Variants in CWH43 observed in about 807,000 individuals in gnomAD.
The protein encoded by CWH43 is PGAP2-interacting protein.
Under a neutral mutation model 85.7 loss-of-function variants are expected in CWH43, and 91 were observed. That is an observed-to-expected ratio of 1.06 (90% CI 0.90 to 1.26). CWH43 has a LOEUF of 1.26. CWH43 is among the 50% of genes most tolerant of loss of function. The probability of loss-of-function intolerance (pLI) is 0.00; values close to 1 mark genes in which losing one functional copy is unlikely to be tolerated. For missense variants in CWH43, 869 were observed against 839.2 expected (o/e 1.04, Z -0.44); for synonymous variants, 323 against 293.6 (o/e 1.10, Z -1.02).
At chr4:49,046,406 A>T (rs1425346258) in intron 14 of CWH43, among the ~76,000 whole-genome samples, 1 of 152,162 alleles carries the variant, frequency 6.6e-6, no homozygotes, top group Non-Finnish European at 1.5e-5. Context: ...TGGGAATATA[A>T]TAGGAAAAAA....
In CWH43 at chr4:49,039,548, C is replaced by T. The variant is rs1315738986; in HGVS notation, c.1803+1368C>T. Among the ~76,000 whole-genome samples, 3 of 149,026 alleles carry T rather than the reference C, an allele frequency of 2.0e-5. No individual in the cohort carries two copies. The Admixed American group carries it at 2.0e-4, about 10-fold the overall frequency. On this transcript the variant is annotated intron_variant, in intron 13 of 15. Coordinates refer to ENST00000226432, the MANE Select transcript of CWH43 (RefSeq NM_025087.3). ...TTGGTCCCTTTCATTCCATTTTCAACTTCATGTCTTGAGATAATATCTGCA... is the reference window on the plus strand; with the variant it reads ...TTGGTCCCTTTCATTCCATTTTCAATTTCATGTCTTGAGATAATATCTGCA...
At chr4:49,032,785 C>A in intron 12 of CWH43, 70 bp downstream of exon 12, 1 of 1,539,902 alleles carries the variant, frequency 6.5e-7, no homozygotes, top group Non-Finnish European at 9.0e-7. Flanking sequence ...ACTTTGATTT[C>A]TATGAAATCA....
At chr4:49,016,436 C>T (rs1783548298) in intron 8 of CWH43, among the ~76,000 whole-genome samples, 1 of 152,094 alleles carries the variant, frequency 6.6e-6, no homozygotes, top group South Asian at 2.1e-4. Flanking sequence ...CCTGCCTTCA[C>T]TGGGGCCTAG....
intron 8 of CWH43, among the ~76,000 whole-genome samples, chr4:49,009,139 C>T (rs1005626634): frequency 6.6e-6 from 1 of 152,148 alleles, no homozygotes; most frequent in African/African-American, 2.4e-5. Context: ...TTTGTGTCCT[C>T]TTTTATTTCA....
At chr4:48,993,362 C>G (rs897458488) in intron 4 of CWH43, among the ~76,000 whole-genome samples, 3 of 152,174 alleles carry the variant, frequency 2.0e-5, no homozygotes, top group African/African-American at 7.2e-5. Context: ...GGCCTCCCTT[C>G]TGTCACCACC....
intron 12 of CWH43, among the ~76,000 whole-genome samples, chr4:49,037,242 G>A (rs1203556745): frequency 2.0e-5 from 3 of 152,134 alleles, no homozygotes; most frequent in African/African-American, 7.2e-5. Flanking sequence ...TGTTCAGCTG[G>A]TGTTTGAGCA....
chr4:48,989,781 A>G (rs1782600650), intron 2 of CWH43, among the ~76,000 whole-genome samples: 2 of 152,342 alleles, frequency 1.3e-5, no homozygotes, highest in South Asian at 4.1e-4. Flanking sequence ...AAAACTCCTG[A>G]AAAGTGTGCC....
intron 13 of CWH43, among the ~76,000 whole-genome samples, chr4:49,042,027 C>T (rs951287747): frequency 5.3e-5 from 8 of 152,176 alleles, no homozygotes; most frequent in Non-Finnish European, 1.0e-4. Context: ...TTAGTCTCTG[C>T]ATTTTTTGGA....
chr4:49,044,893 A>T, intron 14 of CWH43, 46 bp downstream of exon 14: 1 of 1,492,496 alleles, frequency 6.7e-7, no homozygotes, highest in South Asian at 1.2e-5. Flanking sequence ...TATTAATGTG[A>T]TCTTTTGGGT....
chr4:49,048,640 C>T (rs547205884), intron 14 of CWH43, among the ~76,000 whole-genome samples: 1 of 151,824 alleles, frequency 6.6e-6, no homozygotes, highest in Non-Finnish European at 1.5e-5. Flanking sequence ...TTGGGTTGTG[C>T]CTGCAGAGAG....
Position 48,988,458 on chromosome 4 carries a change from AC to A in CWH43, c.44-18del. On this transcript the variant is annotated intron_variant, in intron 1 of 15. Coordinates refer to ENST00000226432, the MANE Select transcript of CWH43 (RefSeq NM_025087.3). ...GTTGAAGTTACACTTTCTCTCTTTAACTTTTTTTTTTTTTGTAGGATGTGTT... is the reference window on the plus strand; with the variant it reads ...GTTGAAGTTACACTTTCTCTCTTTAATTTTTTTTTTTTTGTAGGATGTGTT... 2.1e-6 allele frequency: 3 copies of A among 1,427,080 alleles called. No individual in the cohort carries two copies. The highest frequency in any genetic ancestry group is 2.8e-6 in the Non-Finnish European group (3 of 1,059,570). 88.4% of individuals were successfully genotyped at this position (1,427,080 alleles called of 1,614,324 possible). A position where few individuals can be genotyped will look rare whatever the true frequency, so the allele number is the denominator to read the frequency against.
chr4:49,028,668 A>C lies in CWH43; in HGVS notation c.1306A>C (p.Arg436=). The change falls in exon 10 of 16, where the codon AGG becomes CGG. Residue 436 remains arginine, a synonymous_variant. Transcript: ENST00000226432. ...KEVSAAIWPF[R]FGYDNEGWSS... ...GGTCTCTGCTGCCATCTGGCCTTTC[A>C]GGTTTGGATATGACAATGAAGGGTG... is the stretch of plus-strand genomic sequence containing the variant. 1 of 1,613,838 alleles carries C rather than the reference A, an allele frequency of 6.2e-7. No homozygotes were observed. Among genetic ancestry groups the C allele is most frequent in the Non-Finnish European group, 8.5e-7 (1 of 1,179,798 alleles).
intron 9 of CWH43, among the ~76,000 whole-genome samples, chr4:49,021,993 T>A (rs556248701): frequency 7.9e-5 from 12 of 152,246 alleles, no homozygotes; most frequent in African/African-American, 2.6e-4. Context: ...TTATGTCATC[T>A]GCAAACAGCG....
chr4:49,013,761 T>C (rs565417566), intron 8 of CWH43, among the ~76,000 whole-genome samples: 1 of 152,346 alleles, frequency 6.6e-6, no homozygotes, highest in Admixed American at 6.5e-5. Context: ...AAATGATTTG[T>C]TCTAATGGTT....
intron 9 of CWH43, among the ~76,000 whole-genome samples, chr4:49,021,702 T>C (rs974308945): frequency 6.6e-6 from 1 of 152,204 alleles, no homozygotes; most frequent in Non-Finnish European, 1.5e-5. Context: ...TTTGCATTTG[T>C]TTGTGTCATC....
intron 12 of CWH43, among the ~76,000 whole-genome samples, chr4:49,036,476 G>A (rs1473957926): frequency 6.6e-6 from 1 of 152,198 alleles, no homozygotes; most frequent in Admixed American, 6.5e-5. Flanking sequence ...ATAGCCCTCA[G>A]CTATTTTTAT....
At chr4:49,025,808 G>A (rs1272991580) in intron 9 of CWH43, among the ~76,000 whole-genome samples, 2 of 152,186 alleles carry the variant, frequency 1.3e-5, no homozygotes, top group Admixed American at 1.3e-4. Flanking sequence ...TTTGTTAAGT[G>A]TGCTGGTTTT....
chr4:49,016,217 A>G (rs1218538164), intron 8 of CWH43, among the ~76,000 whole-genome samples: 2 of 152,242 alleles, frequency 1.3e-5, no homozygotes, highest in Non-Finnish European at 2.9e-5. Context: ...ATCATTGGCC[A>G]ATAAATTCAA....
At chr4:49,009,043 T>G (rs1302060378) in intron 8 of CWH43, among the ~76,000 whole-genome samples, 2 of 152,218 alleles carry the variant, frequency 1.3e-5, no homozygotes, top group African/African-American at 4.8e-5. Context: ...GGGATGGCAT[T>G]TAATCTATAA....
Sources: allele counts gnomAD v4.1 joint callset (sites outside exome capture counted in the v4.1 genomes callset), GRCh38; gene constraint gnomAD v4.1.1; transcripts MANE v1.5; gene names NCBI Gene and HGNC (gene_info 2026-07-23, HGNC 2026-07-21).